Variants in KANK2 observed in about 807,000 individuals in gnomAD.
The protein encoded by KANK2 is KN motif and ankyrin repeat domain-containing protein 2.
KANK2 carries 41 observed loss-of-function variants against 74.6 expected under a neutral mutation model. The ratio of observed to expected loss-of-function variants is 0.55; its 90% CI spans 0.43 to 0.71. KANK2 has a LOEUF of 0.71. KANK2 is among the 30% of genes least tolerant of loss of function. The pLI is 0.00. For missense variants in KANK2, 1,148 were observed against 1,196.4 expected (o/e 0.96, Z 0.60); for synonymous variants, 537 against 519.0 (o/e 1.03, Z -0.47).
At chr19:11,177,479 C>T (rs1377449815) in intron 6 of KANK2, among the ~76,000 whole-genome samples, 2 of 152,064 alleles carry the variant, frequency 1.3e-5, no homozygotes, top group Non-Finnish European at 2.9e-5. Flanking sequence ...CTCAGCCTCC[C>T]AAGTAGCTGG....
intron 9 of KANK2, among the ~76,000 whole-genome samples, chr19:11,173,611 C>T (rs972625173): frequency 6.6e-6 from 1 of 152,202 alleles, no homozygotes. Flanking sequence ...ATCATGCAGG[C>T]GTGTTAGGTT....
chr19:11,178,229 A>C, intron 6 of KANK2, 116 bp downstream of exon 6: 2 of 930,726 alleles, frequency 2.1e-6, no homozygotes, highest in Non-Finnish European at 3.0e-6. Flanking sequence ...TGGTTTGATT[A>C]AACGAATTAA....
At position 11,178,406 on chromosome 19, in the gene KANK2, C is replaced by G; in HGVS notation, c.1459G>C (p.Glu487Gln). ...AGVRSIMKRK[E>Q]EVADPTAHRR... The stretch of plus-strand genomic sequence containing the variant: ...TGGGCCGTGGGGTCTGCAACCTCCT[C>G]TTTCCGTTTCATGATAGATCGCACG... Residue 487 changes from glutamate (E) to glutamine (Q), a missense_variant, in exon 6 of 13, where the codon GAG becomes CAG. Glu to Gln is a conservative substitution (Grantham distance 29). Transcript: ENST00000586659. The G allele has an allele frequency of 6.3e-7, 1 of 1,580,804 alleles. No homozygotes were observed. The highest frequency in any genetic ancestry group is 1.2e-5 in the South Asian group (1 of 85,976).
At position 11,187,856 on chromosome 19, in the gene KANK2, C is replaced by T. The variant is rs148416967; in HGVS notation, c.1249+4975G>A. Among the ~76,000 whole-genome samples, 7 of 152,102 alleles carry T rather than the reference C, an allele frequency of 4.6e-5. No homozygotes were observed. The East Asian group carries it at 7.7e-4, about 17-fold the overall frequency. On this transcript the variant is annotated intron_variant, in intron 4 of 12. Transcript: ENST00000586659. Reference sequence around the variant, plus strand: ...CAATCCCAGCTATTTAGGAGGCCGACGTGGAAGGATCACTTCAGTCCCCGA... The same window carrying T: ...CAATCCCAGCTATTTAGGAGGCCGATGTGGAAGGATCACTTCAGTCCCCGA...
intron 4 of KANK2, among the ~76,000 whole-genome samples, chr19:11,184,292 C>G (rs907245791): frequency 1.3e-5 from 2 of 150,056 alleles, no homozygotes; most frequent in Admixed American, 1.3e-4. Flanking sequence ...AGGAGAATTG[C>G]TTGAACCTGG....
At position 11,174,584 on chromosome 19, in the gene KANK2, C is replaced by T. The variant is rs772302040; in HGVS notation, c.1957G>A (p.Ala653Thr). ...RHLVTFRAMS[A>T]RLLDYVVNIA... ...TTGACCACGTAGTCCAGCAGCCGCG[C>T]AGACATGGCCCGGAACGTGACCAGG... The change falls in exon 9 of 13, where the codon GCG becomes ACG. Residue 653 changes from alanine to threonine, a missense_variant. Ala to Thr is a moderately conservative substitution (Grantham distance 58, BLOSUM62 0). Transcript: ENST00000586659. 1 of 1,613,342 alleles carries T rather than the reference C, an allele frequency of 6.2e-7. No individual in the cohort carries two copies. The highest frequency in any genetic ancestry group is 8.5e-7 in the Non-Finnish European group (1 of 1,179,826).
intron 4 of KANK2, among the ~76,000 whole-genome samples, chr19:11,192,122 A>T (rs1413882778): frequency 6.6e-6 from 1 of 152,180 alleles, no homozygotes; most frequent in Non-Finnish European, 1.5e-5. Flanking sequence ...TGAAGCTGTC[A>T]TCAGTTACGT....
In KANK2 at chr19:11,178,311, G is replaced by A. The variant is rs540899916; in HGVS notation, c.1520+34C>T. On this transcript the variant is annotated intron_variant, in intron 6 of 12. Coordinates refer to ENST00000586659, the MANE Select transcript of KANK2 (RefSeq NM_001136191.3). The stretch of plus-strand genomic sequence containing the variant: ...TGGATGAATGGAGGAGGGGCGGGAA[G>A]TATGGGGTGGGGGGTGGGGTCTTCT... 1.0e-4 allele frequency: 76 copies of A among 737,782 alleles called. 2 individuals carry two copies. The East Asian group carries it at 5.1e-3, about 50-fold the overall frequency. 45.7% of individuals were successfully genotyped at this position (737,782 alleles called of 1,614,324 possible). A position where few individuals can be genotyped will look rare whatever the true frequency, so the allele number is the denominator to read the frequency against.
At position 11,169,916 on chromosome 19, in the gene KANK2, A is replaced by G. The variant is rs751272191; in HGVS notation, c.2463T>C (p.Ile821=). Residue 821 remains isoleucine, a synonymous_variant, in exon 12 of 13, where the codon ATT becomes ATC. Transcript: ENST00000586659. Reference sequence around the variant, plus strand: ...TCATGCGGGAATACAGCATGGACGCAATCTCACTCTGCCCTGCGTCCAAGG... The same window carrying G: ...TCATGCGGGAATACAGCATGGACGCGATCTCACTCTGCCCTGCGTCCAAGG... The part of the protein sequence containing the change: ...MVALDAGQSE[I]ASMLYSRMNI... The G allele has an allele frequency of 1.9e-6, 3 of 1,614,162 alleles. No individual in the cohort carries two copies. Among genetic ancestry groups the G allele is most frequent in the Admixed American group, 3.3e-5 (2 of 60,012 alleles).
At position 11,185,199 on chromosome 19, in the gene KANK2, C is replaced by T. The variant is rs974210265; in HGVS notation, c.1250-6479G>A. ...CTTTGGGGGGCCGAGGTGGGTGGAT[C>T]GCTTGAGCCCAGGAGTTTGAGACCA... is the stretch of plus-strand genomic sequence containing the variant. On this transcript the variant is annotated intron_variant, in intron 4 of 12. Coordinates refer to ENST00000586659, the MANE Select transcript of KANK2 (RefSeq NM_001136191.3). 6.1e-5 allele frequency among the ~76,000 whole-genome samples: 9 copies of T among 147,438 alleles called. No individual in the cohort carries two copies. The East Asian group carries it at 8.1e-4, about 13-fold the overall frequency.
At chr19:11,184,142 C>T (rs147762096) in intron 4 of KANK2, among the ~76,000 whole-genome samples, 9,761 of 151,738 alleles carry the variant, frequency 0.064, 366 homozygotes, top group Admixed American at 0.087. Flanking sequence ...TTTGGGAGGC[C>T]AAGGTGGGCG....
chr19:11,169,822 C>T (rs529098426), intron 12 of KANK2, 55 bp downstream of exon 12: 1 of 1,423,946 alleles, frequency 7.0e-7, no homozygotes, highest in Non-Finnish European at 9.9e-7. Flanking sequence ...CAACAAATCT[C>T]TGTCCTTTCA....
In KANK2 at chr19:11,178,280, C is replaced by T. The variant is rs537084086; in HGVS notation, c.1520+65G>A. Reference sequence around the variant, plus strand: ...CAGAATGAGGTAATTAGGAGGCTCTCGTGCGTGGATGAATGGAGGAGGGGC... The same window carrying T: ...CAGAATGAGGTAATTAGGAGGCTCTTGTGCGTGGATGAATGGAGGAGGGGC... On this transcript the variant is annotated intron_variant, in intron 6 of 12. Coordinates refer to ENST00000586659, the MANE Select transcript of KANK2 (RefSeq NM_001136191.3). The T allele has an allele frequency of 7.2e-4, 935 of 1,305,726 alleles. 9 individuals are homozygous for T. The highest frequency in any genetic ancestry group is 6.7e-3 in the South Asian group (370 of 55,582). 80.9% of individuals were successfully genotyped at this position (1,305,726 alleles called of 1,614,324 possible). A position where few individuals can be genotyped will look rare whatever the true frequency, so the allele number is the denominator to read the frequency against.
chr19:11,174,735 G>T, intron 8 of KANK2, 43 bp from the exon 9 acceptor site: 2 of 1,469,972 alleles, frequency 1.4e-6, no homozygotes, highest in Non-Finnish European at 1.9e-6. Context: ...GGCGGGGGAG[G>T]CCCACTGGGA....
At chr19:11,191,765 T>C (rs2078853516) in intron 4 of KANK2, among the ~76,000 whole-genome samples, 1 of 152,178 alleles carries the variant, frequency 6.6e-6, no homozygotes, top group South Asian at 2.1e-4. Flanking sequence ...CCTGATGATA[T>C]CTGAGCACTG....
intron 4 of KANK2, among the ~76,000 whole-genome samples, chr19:11,180,267 GT>G (rs763260101): frequency 1.3e-5 from 2 of 152,098 alleles, no homozygotes; most frequent in Admixed American, 6.6e-5. Context: ...GGTTGTTGGG[GT>G]TTTTTTCTTT....
In KANK2 at chr19:11,170,289, C is replaced by G; in HGVS notation, c.2212-41G>C. 3 of 1,567,308 alleles carry G rather than the reference C, an allele frequency of 1.9e-6. No homozygotes were observed. Among genetic ancestry groups the G allele is most frequent in the Non-Finnish European group, 2.6e-6 (3 of 1,148,488 alleles). On this transcript the variant is annotated intron_variant, in intron 10 of 12. Coordinates refer to ENST00000586659, the MANE Select transcript of KANK2 (RefSeq NM_001136191.3). The surrounding 1 kb of genome is among the most constrained non-coding windows in gnomAD (Gnocchi z 5.2). ...AACAGGATTATGGTTCATGCAGGCC[C>G]CAGGGCAGGACACCCCCTGGTCTAG... is the stretch of plus-strand genomic sequence containing the variant.
chr19:11,174,350 G>A, intron 9 of KANK2, 123 bp downstream of exon 9: 1 of 785,530 alleles, frequency 1.3e-6, no homozygotes. Context: ...ATTATACTGA[G>A]AAGGCCGCGT....
rs548071766 is a variant in KANK2, at chr19:11,187,931, T to C, written c.1249+4900A>G. 2.0e-5 allele frequency among the ~76,000 whole-genome samples: 3 copies of C among 152,038 alleles called. No homozygotes were observed. In the South Asian group the frequency reaches 6.2e-4, roughly 32 times the overall value. ...AGTGAGACCTCATCTGGCAACATAG[T>C]GAGACCTCATCTCAATAAAAAGGAT... On this transcript the variant is annotated intron_variant, in intron 4 of 12. Transcript: ENST00000586659.
Sources: allele counts gnomAD v4.1 joint callset (sites outside exome capture counted in the v4.1 genomes callset), GRCh38; gene constraint gnomAD v4.1.1; non-coding constraint Gnocchi (gnomAD v3.1); transcripts MANE v1.5; gene names NCBI Gene and HGNC (gene_info 2026-07-23, HGNC 2026-07-21).